The following FTO variants were observed in gnomAD, a reference collection of about 807,000 sequenced individuals.
FTO encodes FTO alpha-ketoglutarate dependent dioxygenase, also known as alpha-ketoglutarate-dependent dioxygenase FTO.
In FTO, 47 loss-of-function variants were observed where a neutral mutation model predicts 63.9. That is an observed-to-expected ratio of 0.74 (90% CI 0.58 to 0.94). The LOEUF (loss-of-function observed/expected upper bound fraction) is 0.94. FTO is among the 40% of genes least tolerant of loss of function. The probability of loss-of-function intolerance (pLI) is 0.00; values close to 1 mark genes in which losing one functional copy is unlikely to be tolerated. For missense variants in FTO, 562 were observed against 618.1 expected (o/e 0.91, Z 0.96); for synonymous variants, 207 against 224.4 (o/e 0.92, Z 0.69).
Position 54,120,776 on chromosome 16 carries a change from C to T in FTO, c.*8861C>T, listed in dbSNP as rs1339258625. On this transcript the variant is annotated 3_prime_UTR_variant, in exon 9 of 9. Transcript: ENST00000471389. ...ACTTACAAGAACAGGAACAGCCCCTCCCTCCAAATTTGAGCCCAGAAAGGA... is the reference window on the plus strand; with the variant it reads ...ACTTACAAGAACAGGAACAGCCCCTTCCTCCAAATTTGAGCCCAGAAAGGA... 1 of 152,174 alleles carries T rather than the reference C, an allele frequency of 6.6e-6. No homozygotes were observed. Among genetic ancestry groups the T allele is most frequent in the Non-Finnish European group, 1.5e-5 (1 of 68,042 alleles). 9.4% of individuals were successfully genotyped at this position (152,174 alleles called of 1,614,324 possible). A position where few individuals can be genotyped will look rare whatever the true frequency, so the allele number is the denominator to read the frequency against.
At chr16:53,900,568 G>A (rs933227850) in intron 7 of FTO, among the ~76,000 whole-genome samples, 1 of 138,858 alleles carries the variant, frequency 7.2e-6, no homozygotes, top group Non-Finnish European at 1.5e-5. Context: ...CATCAGAAGT[G>A]CTCTTTCTTC....
chr16:54,013,332 TG>T (rs2084369080), intron 8 of FTO: 1 of 148,314 alleles, frequency 6.7e-6, no homozygotes, highest in African/African-American at 2.5e-5. Flanking sequence ...GATAAGTAGT[TG>T]CTTCTTATGG....
rs768966582 is a variant in FTO, at chr16:54,111,961, C to T, written c.*46C>T. Reference sequence around the variant, plus strand: ...GGAGGAGAAAAAGAGATCGGCTTTTCTCCTCCAACGTTGTCATGGGCTTAA... The same window carrying T: ...GGAGGAGAAAAAGAGATCGGCTTTTTTCCTCCAACGTTGTCATGGGCTTAA... On this transcript the variant is annotated 3_prime_UTR_variant, in exon 9 of 9. Transcript: ENST00000471389. 6 of 1,609,264 alleles carry T rather than the reference C, an allele frequency of 3.7e-6. No homozygotes were observed. The highest frequency in any genetic ancestry group is 2.2e-5 in the East Asian group (1 of 44,874).
intron 7 of FTO, among the ~76,000 whole-genome samples, chr16:53,909,887 T>A (rs1283527856): frequency 6.6e-6 from 1 of 151,822 alleles, no homozygotes; most frequent in Non-Finnish European, 1.5e-5. Context: ...TTTAAACAAT[T>A]TTTTTTAAGG....
At chr16:53,721,131 A>G (rs1393896403) in intron 1 of FTO, among the ~76,000 whole-genome samples, 3 of 152,144 alleles carry the variant, frequency 2.0e-5, no homozygotes, top group Admixed American at 2.0e-4. Context: ...GTGATCCTCA[A>G]TTGGACCAAG....
chr16:54,100,574 T>G (rs1257011050), intron 8 of FTO, among the ~76,000 whole-genome samples: 2 of 152,156 alleles, frequency 1.3e-5, no homozygotes, highest in Non-Finnish European at 2.9e-5. Flanking sequence ...AGGCTGGTCT[T>G]GAACTCCTGA....
intron 6 of FTO, among the ~76,000 whole-genome samples, chr16:53,882,373 G>GA (rs4002060): frequency 0.012 from 1,753 of 144,644 alleles, 17 homozygotes; most frequent in Middle Eastern, 0.034. Flanking sequence ...AGTGCTACAG[G>GA]AAAAAAAAAA....
At chr16:53,904,305 T>C (rs1317144998) in intron 7 of FTO, among the ~76,000 whole-genome samples, 2 of 151,928 alleles carry the variant, frequency 1.3e-5, no homozygotes, top group African/African-American at 4.8e-5. Context: ...GTCATAGGAG[T>C]AGGGAGCAAC....
At position 54,082,854 on chromosome 16, in the gene FTO, G is replaced by C. The variant is rs2086181240; in HGVS notation, c.1365-28908G>C. ...AACAAACTTCCTGAGAAGAGAAAAG[G>C]GTTACAATTTAGGAGCTTTTTAAGA... On this transcript the variant is annotated intron_variant, in intron 8 of 8. Transcript: ENST00000471389. 2.0e-5 allele frequency among the ~76,000 whole-genome samples: 3 copies of C among 152,072 alleles called. No individual in the cohort carries two copies. The South Asian group carries it at 6.2e-4, about 32-fold the overall frequency.
At chr16:53,862,681 G>A (rs990102375) in intron 4 of FTO, among the ~76,000 whole-genome samples, 4 of 151,294 alleles carry the variant, frequency 2.6e-5, no homozygotes, top group Admixed American at 6.6e-5. Flanking sequence ...GATTACAGGC[G>A]CCTGCCACCA....
chr16:53,844,977 G>A (rs2079580703), intron 4 of FTO, among the ~76,000 whole-genome samples: 2 of 151,670 alleles, frequency 1.3e-5, no homozygotes, highest in South Asian at 4.2e-4. Flanking sequence ...CCTGACAATG[G>A]GGCCTTTCTC....
chr16:53,860,283 GCA>G (rs2080132929), intron 4 of FTO, among the ~76,000 whole-genome samples: 2 of 152,234 alleles, frequency 1.3e-5, no homozygotes, highest in African/African-American at 4.8e-5. Flanking sequence ...ACTCATAAAT[GCA>G]CAGAGTTGAA....
chr16:53,901,496 C>G (rs2081402306), intron 7 of FTO, among the ~76,000 whole-genome samples: 1 of 152,160 alleles, frequency 6.6e-6, no homozygotes, highest in Non-Finnish European at 1.5e-5. Flanking sequence ...TGATTTGGTT[C>G]AAGAGAGTGG....
At chr16:53,965,569 T>C (rs1009044564) in intron 8 of FTO, among the ~76,000 whole-genome samples, 26 of 152,212 alleles carry the variant, frequency 1.7e-4, no homozygotes. Flanking sequence ...AATTGCATTC[T>C]CAACATCTCA....
intron 2 of FTO, among the ~76,000 whole-genome samples, chr16:53,814,205 A>C (rs1003016600): frequency 1.6e-4 from 24 of 152,322 alleles, no homozygotes; most frequent in Middle Eastern, 3.4e-3. Flanking sequence ...CCAAGGGTCA[A>C]AGCAGAAAAG....
chr16:53,888,763 C>A, intron 6 of FTO, 69 bp from the exon 7 acceptor site: 4 of 1,551,310 alleles, frequency 2.6e-6, no homozygotes, highest in East Asian at 4.5e-5. Flanking sequence ...AATTAAGAGA[C>A]GAAGTCATTG....
intron 8 of FTO, among the ~76,000 whole-genome samples, chr16:54,091,291 T>A (rs567189953): frequency 6.6e-6 from 1 of 152,322 alleles, no homozygotes; most frequent in African/African-American, 2.4e-5. Context: ...ACACCTGTAA[T>A]CCCAGGACTT....
intron 7 of FTO, among the ~76,000 whole-genome samples, chr16:53,926,309 G>A (rs982125823): frequency 2.0e-5 from 3 of 152,176 alleles, no homozygotes; most frequent in African/African-American, 7.2e-5. Context: ...AATCACAGAT[G>A]GTTTCACATA....
intron 1 of FTO, among the ~76,000 whole-genome samples, chr16:53,728,288 A>G (rs2076197103): frequency 6.6e-6 from 1 of 152,118 alleles, no homozygotes; most frequent in African/African-American, 2.4e-5. Flanking sequence ...AACATTCCAG[A>G]GCCTGACACA....
Sources: allele counts gnomAD v4.1 joint callset (sites outside exome capture counted in the v4.1 genomes callset), GRCh38; gene constraint gnomAD v4.1.1; transcripts MANE v1.5; gene names NCBI Gene and HGNC (gene_info 2026-07-23, HGNC 2026-07-21).